Variants in GALNTL6 observed in about 807,000 individuals in gnomAD.
GALNTL6 encodes the protein polypeptide N-acetylgalactosaminyltransferase-like 6.
GALNTL6 carries 46 observed loss-of-function variants against 73.7 expected under a neutral mutation model. The ratio of observed to expected loss-of-function variants is 0.62; its 90% CI spans 0.49 to 0.80. The LOEUF is 0.80. Among genes scored for constraint, GALNTL6 ranks in the 30% least tolerant of loss-of-function variants. The pLI, the probability that GALNTL6 is intolerant of heterozygous loss-of-function variation, is 0.00. For synonymous variants in GALNTL6, 259 were observed against 263.7 expected (o/e 0.98, Z 0.17); for missense variants, 604 against 755.0 (o/e 0.80, Z 2.34).
At chr4:172,942,427 A>G (rs1748959168) in intron 9 of GALNTL6, among the ~76,000 whole-genome samples, 1 of 152,218 alleles carries the variant, frequency 6.6e-6, no homozygotes, top group African/African-American at 2.4e-5. Context: ...GGTGATGATT[A>G]GAAAATGCTG....
At chr4:171,929,665 A>G (rs1270863778) in intron 2 of GALNTL6, among the ~76,000 whole-genome samples, 4 of 152,094 alleles carry the variant, frequency 2.6e-5, no homozygotes, top group Admixed American at 1.3e-4. Context: ...ACCGCACCTC[A>G]TTGCAGAGAG....
rs530228343 is a variant in GALNTL6 at position 172,575,813 on chromosome 4, A to G, written c.553+227124A>G. Among the ~76,000 whole-genome samples, 4 of 152,312 alleles carry G rather than the reference A, an allele frequency of 2.6e-5. No individual in the cohort carries two copies. The South Asian group carries it at 6.2e-4, about 24-fold the overall frequency. On this transcript the variant is annotated intron_variant, in intron 5 of 12. Transcript: ENST00000506823. ...TTACCTCTTAAAGAGGATTTGGTGTAGAAATTGCTTCTGAAATCAGTGACT... is the reference window on the plus strand; with the variant it reads ...TTACCTCTTAAAGAGGATTTGGTGTGGAAATTGCTTCTGAAATCAGTGACT...
At chr4:172,662,328 G>A (rs1366490499) in intron 5 of GALNTL6, among the ~76,000 whole-genome samples, 1 of 152,146 alleles carries the variant, frequency 6.6e-6, no homozygotes, top group Non-Finnish European at 1.5e-5. Context: ...CAGACATCTT[G>A]AAGGACTGCC....
At chr4:172,745,554 G>T (rs1466371268) in intron 5 of GALNTL6, among the ~76,000 whole-genome samples, 2 of 151,878 alleles carry the variant, frequency 1.3e-5, no homozygotes, top group South Asian at 2.1e-4. Flanking sequence ...AACTACTGTG[G>T]CAGGAGTTAC....
intron 2 of GALNTL6, among the ~76,000 whole-genome samples, chr4:172,127,771 GT>G (rs1376240117): frequency 6.6e-6 from 1 of 152,100 alleles, no homozygotes; most frequent in East Asian, 1.9e-4. Context: ...TTGGTTTATA[GT>G]TTCATGATTT....
Position 173,010,588 on chromosome 4 carries a change from T to G in GALNTL6, c.1488+1294T>G, listed in dbSNP as rs150398976. On this transcript the variant is annotated intron_variant, in intron 11 of 12. Coordinates refer to ENST00000506823, the MANE Select transcript of GALNTL6 (RefSeq NM_001034845.3). Reference sequence around the variant, plus strand: ...TTTTTAGTGTGTTTTTTTTGTTGTTTTTTTTGTTTTGTTTTGTTTTGTTTT... The same window carrying G: ...TTTTTAGTGTGTTTTTTTTGTTGTTGTTTTTGTTTTGTTTTGTTTTGTTTT... Among the ~76,000 whole-genome samples the G allele has an allele frequency of 2.4e-4, 36 of 152,082 alleles. No individual in the cohort carries two copies. The East Asian group carries it at 6.6e-3, about 28-fold the overall frequency.
At chr4:172,489,278 A>C (rs1442127595) in intron 5 of GALNTL6, among the ~76,000 whole-genome samples, 1 of 152,158 alleles carries the variant, frequency 6.6e-6, no homozygotes, top group Non-Finnish European at 1.5e-5. Context: ...GCACGCAGAC[A>C]CACACACACG....
intron 2 of GALNTL6, among the ~76,000 whole-genome samples, chr4:172,217,942 T>C (rs1043465030): frequency 1.3e-5 from 2 of 152,182 alleles, no homozygotes; most frequent in Non-Finnish European, 2.9e-5. Flanking sequence ...TTGGTTTTCA[T>C]GTCCCCTTTG....
At chr4:172,478,998 A>G (rs1291133989) in intron 5 of GALNTL6, among the ~76,000 whole-genome samples, 3 of 152,214 alleles carry the variant, frequency 2.0e-5, no homozygotes, top group Non-Finnish European at 4.4e-5. Context: ...TCATTTTTTT[A>G]AAAGTCAGAA....
chr4:172,728,161 G>A (rs184590875), intron 5 of GALNTL6, among the ~76,000 whole-genome samples: 1 of 152,152 alleles, frequency 6.6e-6, no homozygotes, highest in African/African-American at 2.4e-5. Flanking sequence ...CTCCCAAAGT[G>A]CTGGGATTAC....
chr4:172,215,807 G>A (rs1736476922), intron 2 of GALNTL6, among the ~76,000 whole-genome samples: 1 of 152,026 alleles, frequency 6.6e-6, no homozygotes, highest in African/African-American at 2.4e-5. Flanking sequence ...TCTGCCTTGT[G>A]TAGTTTTAAC....
chr4:172,382,306 A>C (rs1479548497), intron 5 of GALNTL6, among the ~76,000 whole-genome samples: 1 of 150,898 alleles, frequency 6.6e-6, no homozygotes, highest in African/African-American at 2.4e-5. Flanking sequence ...TGGTTATTCT[A>C]TTAGGTGTGA....
In GALNTL6 at chr4:172,952,198, G is replaced by C. The variant is rs1408050765; in HGVS notation, c.1311G>C (p.Val437=). Residue 437 remains valine, a synonymous_variant, in exon 10 of 13, where the codon GTG becomes GTC. Transcript: ENST00000506823. Reference sequence around the variant, plus strand: ...ACTTCAAATGGTTCATGGCTGCTGTGGCCTGGGACGTGCCTAAATACTACC... The same window carrying C: ...ACTTCAAATGGTTCATGGCTGCTGTCGCCTGGGACGTGCCTAAATACTACC... ...CKDFKWFMAA[V]AWDVPKYYPP... is the part of the protein sequence containing the mutation. 1 of 1,614,012 alleles carries C rather than the reference G, an allele frequency of 6.2e-7. No individual in the cohort carries two copies.
chr4:172,581,843 G>C (rs1737202845), intron 5 of GALNTL6, among the ~76,000 whole-genome samples: 1 of 152,198 alleles, frequency 6.6e-6, no homozygotes, highest in Non-Finnish European at 1.5e-5. Context: ...TAAAGGAACT[G>C]TTGCTTGCCC....
chr4:172,670,897 T>A (rs1379654059), intron 5 of GALNTL6, among the ~76,000 whole-genome samples: 3 of 152,194 alleles, frequency 2.0e-5, no homozygotes, highest in Admixed American at 2.0e-4. Flanking sequence ...CACCATTTAT[T>A]GAATAGGGTA....
chr4:172,009,579 T>G (rs1473904880), intron 2 of GALNTL6, among the ~76,000 whole-genome samples: 1 of 152,124 alleles, frequency 6.6e-6, no homozygotes, highest in Non-Finnish European at 1.5e-5. Context: ...ACAAAGAAAC[T>G]TCATTCCAAG....
At chr4:172,218,372 A>G (rs1300369716) in intron 2 of GALNTL6, among the ~76,000 whole-genome samples, 1 of 152,038 alleles carries the variant, frequency 6.6e-6, no homozygotes, top group Non-Finnish European at 1.5e-5. Context: ...GAACCATGAG[A>G]GGGTTTTTCT....
intron 2 of GALNTL6, among the ~76,000 whole-genome samples, chr4:171,869,886 C>A (rs1447593680): frequency 1.3e-5 from 2 of 152,092 alleles, no homozygotes; most frequent in Admixed American, 1.3e-4. Context: ...GAGGCCTCCC[C>A]AGCCACATGG....
chr4:172,128,539 T>G (rs1423250185), intron 2 of GALNTL6, among the ~76,000 whole-genome samples: 1 of 152,216 alleles, frequency 6.6e-6, no homozygotes, highest in Admixed American at 6.6e-5. Flanking sequence ...TGGCTAAAAT[T>G]TTGCCCTGAT....
Sources: allele counts gnomAD v4.1 joint callset (sites outside exome capture counted in the v4.1 genomes callset), GRCh38; gene constraint gnomAD v4.1.1; transcripts MANE v1.5; gene names NCBI Gene and HGNC (gene_info 2026-07-23, HGNC 2026-07-21).